ZNF91: variants seen among roughly 807,000 people sequenced by gnomAD.
ZNF91 encodes zinc finger protein 91 (HPF7, HTF10).
In ZNF91, 7 loss-of-function variants were observed where a neutral mutation model predicts 12.6. The observed-to-expected ratio is 0.55, with a 90% CI of 0.31 to 1.04. ZNF91 has a LOEUF of 1.04. Among genes scored for constraint, ZNF91 ranks in the 50% least tolerant of loss-of-function variants. The pLI is 0.05. For missense variants in ZNF91, 1,217 were observed against 1,385.4 expected, an observed-to-expected ratio of 0.88 and a Z score of 1.93; for synonymous variants, 453 against 462.6, an observed-to-expected ratio of 0.98 and a Z score of 0.27.
At chr19:23,364,603 AAAT>A (rs1033848516) in intron 3 of ZNF91, among the ~76,000 whole-genome samples, 11 of 152,136 alleles carry the variant, frequency 7.2e-5, no homozygotes, top group Admixed American at 1.3e-4. Context: ...TGACAAGTAA[AAAT>A]AATAATAACT....
chr19:23,343,104 T>A (rs1301726694), intron 3 of ZNF91, among the ~76,000 whole-genome samples: 1 of 152,240 alleles, frequency 6.6e-6, no homozygotes, highest in Non-Finnish European at 1.5e-5. Flanking sequence ...GTTTTCTGAA[T>A]AATACAGCAT....
intron 3 of ZNF91, 118 bp downstream of exon 3, chr19:23,373,624 A>C: frequency 4.1e-6 from 3 of 724,842 alleles, no homozygotes; most frequent in Non-Finnish European, 6.8e-6. Context: ...AAAAAAATTC[A>C]GGCTTCCCAG....
chr19:23,355,031 C>T (rs1968451629), downstream of ZNF91, among the ~76,000 whole-genome samples: 1 of 152,172 alleles, frequency 6.6e-6, no homozygotes, highest in Non-Finnish European at 1.5e-5. Flanking sequence ...AATGACCATA[C>T]TGCCAAAAGC....
intron 1 of ZNF91, among the ~76,000 whole-genome samples, chr19:23,322,425 C>A (rs1413553380): frequency 6.6e-6 from 1 of 152,122 alleles, no homozygotes; most frequent in East Asian, 1.9e-4. Context: ...GCATACATTG[C>A]CTATGGTGAC....
intron 1 of ZNF91, among the ~76,000 whole-genome samples, chr19:23,323,281 C>T (rs1165528679): frequency 6.9e-6 from 1 of 145,250 alleles, no homozygotes; most frequent in Non-Finnish European, 1.5e-5. Context: ...TCTTTCTTCT[C>T]TCCTCCTCCC....
At chr19:23,324,242 C>T (rs922659721) in intron 1 of ZNF91, 4 of 151,784 alleles carry the variant, frequency 2.6e-5, no homozygotes, top group Non-Finnish European at 1.5e-5. Context: ...CCTGTTGTCC[C>T]CCTCTCCTTT....
chr19:23,366,945 A>G (rs1784146972), intron 3 of ZNF91, among the ~76,000 whole-genome samples: 1 of 152,214 alleles, frequency 6.6e-6, no homozygotes, highest in African/African-American at 2.4e-5. Flanking sequence ...AATATGCAAT[A>G]TTTTTATTTG....
chr19:23,342,609 G>C (rs1019999690), intron 3 of ZNF91, among the ~76,000 whole-genome samples: 2 of 152,044 alleles, frequency 1.3e-5, no homozygotes, highest in African/African-American at 4.8e-5. Context: ...AAAACATCTT[G>C]AAGATTTTCT....
chr19:23,373,346 T>TTATATATATATATATATATATA (rs200251921), intron 3 of ZNF91, among the ~76,000 whole-genome samples: 2 of 85,800 alleles, frequency 2.3e-5, no homozygotes, highest in African/African-American at 3.9e-5. Flanking sequence ...TCATGTAATC[T>TTATATATATATATATATATATA]TATATATATA....
chr19:23,390,461 T>G (rs770835450), intron 1 of ZNF91, among the ~76,000 whole-genome samples: 2 of 152,198 alleles, frequency 1.3e-5, no homozygotes, highest in Non-Finnish European at 2.9e-5. Flanking sequence ...CCAAGAACAC[T>G]TTATGGTGGG....
At chr19:23,375,716 T>TA (rs923475425) in intron 1 of ZNF91, among the ~76,000 whole-genome samples, 27 of 144,658 alleles carry the variant, frequency 1.9e-4, no homozygotes, top group East Asian at 4.0e-4. Context: ...AAAGAAAACC[T>TA]AAAAAAAAAA....
intron 1 of ZNF91, among the ~76,000 whole-genome samples, chr19:23,395,042 C>T (rs1386061256): frequency 3.3e-5 from 5 of 152,208 alleles, no homozygotes; most frequent in African/African-American, 1.2e-4. Flanking sequence ...GATCCCTGCA[C>T]AATCTGGGAG....
intron 3 of ZNF91, among the ~76,000 whole-genome samples, chr19:23,365,812 A>G (rs927755497): frequency 3.3e-5 from 5 of 152,146 alleles, no homozygotes; most frequent in Non-Finnish European, 7.4e-5. Context: ...AACAAAGCAC[A>G]TCTTGCACCG....
chr19:23,365,537 T>C (rs1968966862), intron 3 of ZNF91, among the ~76,000 whole-genome samples: 1 of 151,964 alleles, frequency 6.6e-6, no homozygotes. Flanking sequence ...TAAAGCTCTC[T>C]ATTAAATGTA....
At position 23,361,299 on chromosome 19, in the gene ZNF91, G is replaced by C. The variant is rs752956022; in HGVS notation, c.1680C>G (p.Thr560=). 2.5e-6 allele frequency: 4 copies of C among 1,612,200 alleles called. No homozygotes were observed. The highest frequency in any genetic ancestry group is 1.1e-5 in the South Asian group (1 of 90,974). The change falls in exon 4 of 4, where the codon ACC becomes ACG. Residue 560 remains threonine (T), a synonymous_variant. Transcript: ENST00000300619. The part of the protein sequence containing the change: ...ECGKAFKQFS[T]LTTHKIIHAG... ...CATGAATTATTTTATGTGTAGTAAGGGTTGAGAATTGCTTAAAAGCTTTGC... is the reference window on the plus strand; with the variant it reads ...CATGAATTATTTTATGTGTAGTAAGCGTTGAGAATTGCTTAAAAGCTTTGC...
downstream of ZNF91, among the ~76,000 whole-genome samples, chr19:23,356,820 C>T (rs1263200345): frequency 2.6e-5 from 4 of 152,204 alleles, no homozygotes; most frequent in Non-Finnish European, 4.4e-5. Context: ...CCAGCCGGGC[C>T]TGGTACCTCA....
At chr19:23,327,423 G>A (rs1967857650) in intron 1 of ZNF91, 1 of 151,980 alleles carries the variant, frequency 6.6e-6, no homozygotes, top group South Asian at 2.1e-4. Flanking sequence ...TGAAACACGA[G>A]GTGAAACATT....
intron 1 of ZNF91, among the ~76,000 whole-genome samples, chr19:23,309,593 A>T (rs994444093): frequency 6.6e-6 from 1 of 152,008 alleles, no homozygotes; most frequent in Non-Finnish European, 1.5e-5. Context: ...AACTTAGGTG[A>T]TGTGACTCTT....
exon 4 of ZNF91, chr19:23,339,016 G>T (rs552082741): frequency 6.7e-6 from 1 of 149,408 alleles, no homozygotes; most frequent in Non-Finnish European, 1.5e-5. Context: ...ACGAGATCGC[G>T]CCACTGCACT....
Sources: allele counts gnomAD v4.1 joint callset (sites outside exome capture counted in the v4.1 genomes callset), GRCh38; gene constraint gnomAD v4.1.1; transcripts MANE v1.5; gene names NCBI Gene and HGNC (gene_info 2026-07-23, HGNC 2026-07-21).